SLC39A8: variants seen among roughly 807,000 people sequenced by gnomAD.
The protein encoded by SLC39A8 is metal cation symporter ZIP8.
A neutral mutation model predicts 40.4 loss-of-function variants in SLC39A8; 15 were observed. The observed-to-expected ratio is 0.37, with a 90% CI of 0.25 to 0.57. The LOEUF is 0.57. Among genes scored for constraint, SLC39A8 ranks in the 20% least tolerant of loss-of-function variants. The pLI, the probability that SLC39A8 is intolerant of heterozygous loss-of-function variation, is 0.75. For synonymous variants in SLC39A8, 223 were observed against 221.6 expected, an observed-to-expected ratio of 1.01 and a Z score of -0.06; for missense variants, 472 against 558.8, an observed-to-expected ratio of 0.84 and a Z score of 1.57.
intron 6 of SLC39A8, among the ~76,000 whole-genome samples, chr4:102,293,187 G>T (rs1733526427): frequency 1.3e-5 from 2 of 151,982 alleles, no homozygotes; most frequent in South Asian, 4.1e-4. Flanking sequence ...CCTATATTTA[G>T]CTGTAATATA....
intron 11 of SLC39A8, among the ~76,000 whole-genome samples, chr4:102,254,551 C>T (rs1029093438): frequency 2.0e-5 from 3 of 152,170 alleles, no homozygotes; most frequent in African/African-American, 7.2e-5. Flanking sequence ...ATTATGCTTA[C>T]ATATCAGTGA....
chr4:102,292,808 A>G (rs1263367325), intron 6 of SLC39A8, among the ~76,000 whole-genome samples: 1 of 152,066 alleles, frequency 6.6e-6, no homozygotes, highest in Non-Finnish European at 1.5e-5. Context: ...CAGAAATAAT[A>G]AGATTTAGTA....
At chr4:102,323,519 C>T (rs998719) in intron 2 of SLC39A8, among the ~76,000 whole-genome samples, 19,161 of 152,092 alleles carry the variant, frequency 0.13, 1,313 homozygotes, top group Middle Eastern at 0.22. Context: ...AGATCAGTAA[C>T]GCAAATGAGT....
chr4:102,339,153 A>G (rs11724124), intron 2 of SLC39A8, among the ~76,000 whole-genome samples: 23,456 of 152,050 alleles, frequency 0.15, 2,003 homozygotes, highest in Middle Eastern at 0.26. Context: ...CAATCAACTT[A>G]TGTGAGAGTG....
chr4:102,317,648 T>C (rs892673229), intron 2 of SLC39A8, among the ~76,000 whole-genome samples: 2 of 152,182 alleles, frequency 1.3e-5, no homozygotes, highest in Non-Finnish European at 2.9e-5. Context: ...GGACACTGTG[T>C]GCTTCCAGGA....
intron 2 of SLC39A8, among the ~76,000 whole-genome samples, chr4:102,337,245 AAAAG>A (rs1384947324): frequency 6.6e-6 from 1 of 152,058 alleles, no homozygotes; most frequent in Non-Finnish European, 1.5e-5. Flanking sequence ...AAAAAAAAAA[AAAAG>A]AATCAAAAGT....
chr4:102,343,491 T>C (rs1349453457), intron 2 of SLC39A8, among the ~76,000 whole-genome samples: 1 of 152,184 alleles, frequency 6.6e-6, no homozygotes, highest in African/African-American at 2.4e-5. Context: ...AAATACCGTA[T>C]TCTACCCTCC....
intron 6 of SLC39A8, among the ~76,000 whole-genome samples, chr4:102,303,959 A>G (rs67529886): frequency 0.12 from 18,153 of 151,874 alleles, 1,295 homozygotes; most frequent in African/African-American, 0.15. Context: ...TTCAAAATCA[A>G]TCAAAGGATT....
At position 102,303,261 on chromosome 4, in the gene SLC39A8, T is replaced by C. The variant is rs60687789; in HGVS notation, c.840+1056A>G. 9.2e-3 allele frequency among the ~76,000 whole-genome samples: 1,404 copies of C among 152,104 alleles called. 28 individuals are homozygous for C. The highest frequency in any genetic ancestry group is 0.032 in the African/African-American group (1,348 of 41,556). On this transcript the variant is annotated intron_variant, in intron 6 of 8. Transcript: ENST00000356736. ...TCTTCATCTGTCAAATGAGAATTGT[T>C]GTAGACACCAGTGATACTATCTTTT...
chr4:102,304,538 AC>A, intron 5 of SLC39A8, 57 bp from the exon 6 acceptor site: 1 of 1,431,288 alleles, frequency 7.0e-7, no homozygotes, highest in Non-Finnish European at 9.6e-7. Context: ...ATTCATACAG[AC>A]AAGGAAATAG....
At chr4:102,329,680 T>G (rs1735363758) in intron 2 of SLC39A8, among the ~76,000 whole-genome samples, 1 of 149,856 alleles carries the variant, frequency 6.7e-6, no homozygotes, top group Non-Finnish European at 1.5e-5. Flanking sequence ...CCAAGCTGAG[T>G]TAATAGACAT....
Position 102,263,052 on chromosome 4 carries a change from A to T in SLC39A8, c.1375T>A (p.Leu459Met). ...LITLYAGEIE[L>M]E ...CCATCTTCCATTTTCTATTACTCCA[A>T]TTCGATTTCTCCTGCATACAAGGTA... is the stretch of plus-strand genomic sequence containing the variant. Residue 459 changes from leucine to methionine, a missense_variant, in exon 9 of 9, where the codon TTG becomes ATG. Around this residue, in one of 4 missense-constraint regions of SLC39A8, gnomAD observed 50 missense variants for 50.5 expected, o/e 0.99. Coordinates refer to ENST00000356736, the MANE Select transcript of SLC39A8 (RefSeq NM_001135146.2). 1 of 1,607,240 alleles carries T rather than the reference A, an allele frequency of 6.2e-7. No homozygotes were observed. The highest frequency in any genetic ancestry group is 1.3e-5 in the African/African-American group (1 of 74,838).
At position 102,267,657 on chromosome 4, in the gene SLC39A8, G is replaced by C. The variant is rs1215346562; in HGVS notation, c.1066C>G (p.Leu356Val). The stretch of plus-strand genomic sequence containing the variant: ...TGTCGAGTGCTCATCCCTGCATTGA[G>C]TAGGATCACAAAGTCTCCTAGAAGA... ...PHELGDFVIL[L>V]NAGMSTRQAL... Residue 356 changes from leucine (L) to valine (V), a missense_variant, in exon 8 of 9, where the codon CTC becomes GTC. Physicochemically the swap from Leu to Val is conservative, Grantham distance 32. Around this residue, in one of 4 missense-constraint regions of SLC39A8, gnomAD observed 239 missense variants for 317.9 expected, o/e 0.75. Coordinates refer to ENST00000356736, the MANE Select transcript of SLC39A8 (RefSeq NM_001135146.2). 1 of 1,591,820 alleles carries C rather than the reference G, an allele frequency of 6.3e-7. No individual in the cohort carries two copies. The highest frequency in any genetic ancestry group is 1.4e-5 in the African/African-American group (1 of 73,402).
At chr4:102,312,544 T>C (rs1734476972) in intron 3 of SLC39A8, among the ~76,000 whole-genome samples, 1 of 152,102 alleles carries the variant, frequency 6.6e-6, no homozygotes, top group African/African-American at 2.4e-5. Context: ...ATATGAGTAA[T>C]TAACTTGCAC....
intron 2 of SLC39A8, among the ~76,000 whole-genome samples, chr4:102,318,454 T>C (rs1159441951): frequency 6.6e-6 from 1 of 152,128 alleles, no homozygotes; most frequent in Admixed American, 6.6e-5. Context: ...TACCAGCAAG[T>C]GGAATGAACA....
intron 6 of SLC39A8, 28 bp from the exon 7 acceptor site, chr4:102,268,107 C>T: frequency 6.2e-7 from 1 of 1,607,952 alleles, no homozygotes; most frequent in Non-Finnish European, 8.5e-7. Context: ...AAAATGATAA[C>T]CAACATTTCT....
chr4:102,301,724 T>C (rs1405759278), intron 6 of SLC39A8, among the ~76,000 whole-genome samples: 1 of 152,090 alleles, frequency 6.6e-6, no homozygotes, highest in Non-Finnish European at 1.5e-5. Flanking sequence ...TTTGTCATGG[T>C]GCTTAGATTT....
chr4:102,283,809 T>C (rs1020062913), intron 6 of SLC39A8, among the ~76,000 whole-genome samples: 2 of 152,236 alleles, frequency 1.3e-5, no homozygotes, highest in Admixed American at 1.3e-4. Flanking sequence ...CTATCTAGAA[T>C]GTTTTCCAAT....
At chr4:102,309,002 A>G (rs1007162088) in intron 3 of SLC39A8, among the ~76,000 whole-genome samples, 1 of 152,122 alleles carries the variant, frequency 6.6e-6, no homozygotes, top group African/African-American at 2.4e-5. Flanking sequence ...TTTTTAGCAT[A>G]TGCTTTATTA....
Sources: allele counts gnomAD v4.1 joint callset (sites outside exome capture counted in the v4.1 genomes callset), GRCh38; gene constraint gnomAD v4.1.1; regional missense constraint gnomAD v4.1.1; transcripts MANE v1.5; gene names NCBI Gene and HGNC (gene_info 2026-07-23, HGNC 2026-07-21).